GARIN2: variants seen among roughly 807,000 people sequenced by gnomAD.
GARIN2 encodes Golgi-associated RAB2 interactor protein 2.
At chr14:67,204,394 G>A in the GARIN2 span, 17 of 1,165,694 alleles carry the variant, frequency 1.5e-5, no homozygotes, top group Admixed American at 6.6e-5. Flanking sequence ...AGCCATGATC[G>A]CATCACCACT....
At chr14:67,204,561 T>C in the GARIN2 span, 2 of 1,613,510 alleles carry the variant, frequency 1.2e-6, no homozygotes, top group African/African-American at 1.3e-5. Flanking sequence ...AGTTTGTGAC[T>C]CTTTCTGTGC....
chr14:67,199,298 T>A, the GARIN2 span: 1 of 1,607,006 alleles, frequency 6.2e-7, no homozygotes, highest in East Asian at 2.2e-5. Flanking sequence ...GATCAGACTC[T>A]ATGGGAAGCC....
chr14:67,203,177 C>G, the GARIN2 span: 1 of 1,614,042 alleles, frequency 6.2e-7, no homozygotes, highest in African/African-American at 1.3e-5. Flanking sequence ...GCTCCACCCA[C>G]AAGATCCCCA....
At chr14:67,216,302 T>A in the GARIN2 span, among the ~76,000 whole-genome samples, 1 of 152,194 alleles carries the variant, frequency 6.6e-6, no homozygotes, top group Non-Finnish European at 1.5e-5. Flanking sequence ...TTTTTTGTCA[T>A]GTCCTTGTCT....
chr14:67,217,675 A>G, the GARIN2 span, among the ~76,000 whole-genome samples: 2 of 152,164 alleles, frequency 1.3e-5, no homozygotes, highest in African/African-American at 4.8e-5. Context: ...TTGTAAGGCC[A>G]ATCTAGTGAT....
At chr14:67,221,603 G>A in the GARIN2 span, 1 of 445,104 alleles carries the variant, frequency 2.2e-6, no homozygotes, top group African/African-American at 2.1e-5. Flanking sequence ...CAGAAATTTA[G>A]GTAATTTTAT....
the GARIN2 span, chr14:67,200,407 T>C: frequency 3.5e-6 from 2 of 570,264 alleles, no homozygotes; most frequent in African/African-American, 4.0e-5. Context: ...CTGTAGCTCC[T>C]TGGGGCTAAG....
At chr14:67,205,139 G>A in the GARIN2 span, 1 of 1,479,800 alleles carries the variant, frequency 6.8e-7, no homozygotes, top group Non-Finnish European at 9.0e-7. Flanking sequence ...AACTAGAGGG[G>A]TTACCGAGAT....
the GARIN2 span, chr14:67,198,343 G>A: frequency 1.3e-6 from 2 of 1,595,526 alleles, no homozygotes; most frequent in Non-Finnish European, 1.7e-6. Context: ...CAAGGCCTGA[G>A]TTAAGTTCCA....
chr14:67,219,785 G>A, the GARIN2 span, among the ~76,000 whole-genome samples: 3 of 152,008 alleles, frequency 2.0e-5, no homozygotes, highest in South Asian at 4.2e-4. Context: ...AGCTCCCTAC[G>A]CCATTTATCA....
the GARIN2 span, chr14:67,199,478 A>G: frequency 6.2e-7 from 1 of 1,613,090 alleles, no homozygotes; most frequent in Admixed American, 1.7e-5. Context: ...TGACACAGGC[A>G]ACTCCAAAGG....
the GARIN2 span, among the ~76,000 whole-genome samples, chr14:67,218,380 A>G: frequency 6.6e-6 from 1 of 152,154 alleles, no homozygotes; most frequent in African/African-American, 2.4e-5. Flanking sequence ...GGTGGCCCAC[A>G]GAGCCGTTTC....
chr14:67,224,974 C>G, the GARIN2 span: 6 of 685,744 alleles, frequency 8.7e-6, no homozygotes, highest in East Asian at 1.8e-4. Flanking sequence ...GTGGTTAGAA[C>G]ATAATCTGAA....
At chr14:67,208,154 C>G in the GARIN2 span, 1 of 1,605,500 alleles carries the variant, frequency 6.2e-7, no homozygotes. Flanking sequence ...CACCTATTAC[C>G]TGATGCTCTT....
chr14:67,218,676 T>C, the GARIN2 span, among the ~76,000 whole-genome samples: 2 of 152,012 alleles, frequency 1.3e-5, no homozygotes, highest in Admixed American at 6.6e-5. Context: ...AACATATCTG[T>C]AGGGGATGGA....
At chr14:67,195,466 A>G in the GARIN2 span, among the ~76,000 whole-genome samples, 7 of 152,236 alleles carry the variant, frequency 4.6e-5, no homozygotes, top group East Asian at 9.7e-4. Context: ...CCCAGCAGCC[A>G]TGTGGCATAT....
the GARIN2 span, among the ~76,000 whole-genome samples, chr14:67,192,523 C>T: frequency 4.0e-5 from 6 of 151,652 alleles, no homozygotes; most frequent in East Asian, 1.9e-4. Context: ...CTACTGTGCC[C>T]GCACACCGAG....
the GARIN2 span, among the ~76,000 whole-genome samples, chr14:67,211,697 A>C: frequency 6.6e-6 from 1 of 152,176 alleles, no homozygotes; most frequent in Admixed American, 6.5e-5. Flanking sequence ...TGGAAGCTAC[A>C]GTGGGAGTAC....
At chr14:67,192,245 G>C in the GARIN2 span, among the ~76,000 whole-genome samples, 1 of 152,136 alleles carries the variant, frequency 6.6e-6, no homozygotes, top group African/African-American at 2.4e-5. Context: ...ATACACAATC[G>C]TGATAGAATA....
Sources: gnomAD v4.1 joint callset for allele counts (sites outside exome capture counted in the v4.1 genomes callset) on GRCh38, gnomAD v4.1.1 for gene constraint, MANE v1.5 for transcripts, NCBI Gene and HGNC (gene_info 2026-07-23, HGNC 2026-07-21) for gene names.